Variants in NRCAM observed in about 807,000 individuals in gnomAD.
NRCAM encodes the protein NgCAM-related cell adhesion molecule.
NRCAM carries 83 observed loss-of-function variants against 156.5 expected under a neutral mutation model. The ratio of observed to expected loss-of-function variants is 0.53; its 90% CI spans 0.44 to 0.64. The LOEUF (loss-of-function observed/expected upper bound fraction) is 0.64. NRCAM is among the 30% of genes least tolerant of loss of function. The pLI is 0.00. For synonymous variants in NRCAM, 538 were observed against 563.9 expected (o/e 0.95, Z 0.65); for missense variants, 1,417 against 1,597.3 (o/e 0.89, Z 1.92).
chr7:108,195,980 G>A (rs569532763), intron 14 of NRCAM, 108 bp from the exon 15 acceptor site: 35 of 727,200 alleles, frequency 4.8e-5, no homozygotes, highest in East Asian at 4.6e-4. Flanking sequence ...TAAAGCACAA[G>A]CAATCTATCT....
At chr7:108,374,577 A>G (rs895264941) in intron 2 of NRCAM, among the ~76,000 whole-genome samples, 14 of 152,180 alleles carry the variant, frequency 9.2e-5, no homozygotes, top group Non-Finnish European at 1.9e-4. Flanking sequence ...AGTGTAAGAA[A>G]TTAAGCATAT....
intron 1 of NRCAM, among the ~76,000 whole-genome samples, chr7:108,442,547 T>C (rs1839832221): frequency 6.6e-6 from 1 of 152,252 alleles, no homozygotes. Flanking sequence ...CATAAAATTC[T>C]AAAATGTGAG....
chr7:108,426,866 G>A (rs148899734), intron 1 of NRCAM, among the ~76,000 whole-genome samples: 3 of 152,342 alleles, frequency 2.0e-5, no homozygotes, highest in African/African-American at 7.2e-5. Context: ...CCTGCTTACA[G>A]CTGGCAGTTT....
intron 2 of NRCAM, among the ~76,000 whole-genome samples, chr7:108,353,136 T>C (rs1402192540): frequency 6.6e-6 from 1 of 152,134 alleles, no homozygotes; most frequent in African/African-American, 2.4e-5. Context: ...AGATAATTCT[T>C]CTTGTTTCTT....
At chr7:108,290,717 G>A (rs547857680) in intron 3 of NRCAM, among the ~76,000 whole-genome samples, 11 of 152,226 alleles carry the variant, frequency 7.2e-5, no homozygotes, top group African/African-American at 2.6e-4. Flanking sequence ...AACTGTAATC[G>A]TTTTTTAGAA....
At chr7:108,177,851 T>A (rs1049414734) in intron 26 of NRCAM, 139 bp downstream of exon 26, 1 of 598,894 alleles carries the variant, frequency 1.7e-6, no homozygotes, top group Admixed American at 3.4e-5. Flanking sequence ...AAGATGAATA[T>A]GCGAATTCCC....
intron 3 of NRCAM, among the ~76,000 whole-genome samples, chr7:108,266,758 C>G (rs1464113894): frequency 6.6e-6 from 1 of 152,182 alleles, no homozygotes; most frequent in African/African-American, 2.4e-5. Context: ...GCCATCTGAT[C>G]CATACGCCAC....
chr7:108,397,696 T>C (rs2099780904), intron 2 of NRCAM, among the ~76,000 whole-genome samples: 1 of 152,224 alleles, frequency 6.6e-6, no homozygotes, highest in African/African-American at 2.4e-5. Context: ...TGAAAAAGAA[T>C]GACATTTGAG....
Position 108,226,384 on chromosome 7 carries a change from G to A in NRCAM, c.551-6C>T, listed in dbSNP as rs898292903. On this transcript the variant is annotated splice_polypyrimidine_tract_variant and splice_region_variant and intron_variant, in intron 8 of 32. Coordinates refer to ENST00000379028, the MANE Select transcript of NRCAM (RefSeq NM_001037132.4). ...TTGTGGAAGTCTTTGAAAGGCTGGA[G>A]AAAGGCAGAGAGATATCAAGATTAT... is the stretch of plus-strand genomic sequence containing the variant. 7 of 1,607,064 alleles carry A rather than the reference G, an allele frequency of 4.4e-6. No homozygotes were observed. The highest frequency in any genetic ancestry group is 6.0e-6 in the Non-Finnish European group (7 of 1,175,144).
intron 2 of NRCAM, among the ~76,000 whole-genome samples, chr7:108,397,808 T>C (rs772762708): frequency 4.6e-5 from 7 of 152,216 alleles, no homozygotes; most frequent in Admixed American, 6.5e-5. Context: ...TTCACACTGT[T>C]TGTTAAAGAC....
chr7:108,278,933 T>TCCAGAA (rs111993995), intron 3 of NRCAM, among the ~76,000 whole-genome samples: 6,508 of 152,248 alleles, frequency 0.043, 183 homozygotes, highest in South Asian at 0.11. Flanking sequence ...AAACTCCTCT[T>TCCAGAA]AAGGAATAAT....
chr7:108,368,575 G>C (rs141891591), intron 2 of NRCAM, among the ~76,000 whole-genome samples: 127 of 152,178 alleles, frequency 8.3e-4, no homozygotes, highest in African/African-American at 2.4e-3. Context: ...TAAATGTGAC[G>C]AGACATATAT....
At chr7:108,299,225 C>A (rs1330470326) in intron 3 of NRCAM, among the ~76,000 whole-genome samples, 12 of 149,552 alleles carry the variant, frequency 8.0e-5, no homozygotes, top group African/African-American at 2.9e-4. Flanking sequence ...CACATCAAAG[C>A]AGCTATCAGT....
chr7:108,371,158 A>G (rs1380517324), intron 2 of NRCAM, among the ~76,000 whole-genome samples: 3 of 152,322 alleles, frequency 2.0e-5, no homozygotes, highest in Non-Finnish European at 2.9e-5. Context: ...CATAGCAAAT[A>G]TAAGTAGTTG....
intron 2 of NRCAM, among the ~76,000 whole-genome samples, chr7:108,391,338 G>T (rs1397180160): frequency 2.6e-5 from 4 of 151,820 alleles, no homozygotes; most frequent in Non-Finnish European, 5.9e-5. Flanking sequence ...TGGCCTTCTT[G>T]GTCTCTTTTG....
rs900253183 is a variant in NRCAM at position 108,408,194 on chromosome 7, G to A, written c.-331-8601C>T. Among the ~76,000 whole-genome samples the A allele has an allele frequency of 6.6e-5, 10 of 152,158 alleles. No individual in the cohort carries two copies. The East Asian group carries it at 1.9e-3, about 29-fold the overall frequency. On this transcript the variant is annotated intron_variant, in intron 1 of 32. Transcript: ENST00000379028. ...TAATTCATAAATCCAACCTTTAATT[G>A]CCTATCGTGTACTAGGTACTATGCT...
intron 23 of NRCAM, 94 bp downstream of exon 23, chr7:108,182,597 ACCTC>A (rs2064135737): frequency 2.9e-6 from 3 of 1,029,868 alleles, no homozygotes; most frequent in South Asian, 2.9e-5. Flanking sequence ...AATAATTGCC[ACCTC>A]CCTCCCTTGC....
intron 1 of NRCAM, among the ~76,000 whole-genome samples, chr7:108,401,468 G>A (rs1041787875): frequency 3.9e-5 from 6 of 152,070 alleles, no homozygotes; most frequent in African/African-American, 1.4e-4. Context: ...TTGAGCCAGT[G>A]AGGAGGAGGC....
chr7:108,245,310 C>T (rs2153831519), intron 3 of NRCAM, among the ~76,000 whole-genome samples: 1 of 152,068 alleles, frequency 6.6e-6, no homozygotes, highest in East Asian at 1.9e-4. Flanking sequence ...AACAGAATTA[C>T]CAAGTTTAGT....
Sources: allele counts gnomAD v4.1 joint callset (sites outside exome capture counted in the v4.1 genomes callset), GRCh38; gene constraint gnomAD v4.1.1; transcripts MANE v1.5; gene names NCBI Gene and HGNC (gene_info 2026-07-23, HGNC 2026-07-21).